PPP1R12B: variants seen among roughly 807,000 people sequenced by gnomAD.
PPP1R12B encodes the protein protein phosphatase 1 regulatory subunit 12B.
A neutral mutation model predicts 126.1 loss-of-function variants in PPP1R12B; 76 were observed. The ratio of observed to expected loss-of-function variants is 0.60; its 90% CI spans 0.50 to 0.73. The LOEUF is 0.73. Ranked by LOEUF, PPP1R12B falls within the 30% of genes least tolerant of loss-of-function variation. The pLI is 0.00. For missense variants in PPP1R12B, 1,052 were observed against 1,205.1 expected (o/e 0.87, Z 1.88); for synonymous variants, 356 against 434.7 (o/e 0.82, Z 2.25).
intron 19 of PPP1R12B, among the ~76,000 whole-genome samples, chr1:202,560,198 G>A (rs1687375178): frequency 6.6e-6 from 1 of 152,070 alleles, no homozygotes; most frequent in Non-Finnish European, 1.5e-5. Flanking sequence ...GTTAGCAGAA[G>A]AGAATATTTT....
intron 1 of PPP1R12B, 151 bp downstream of exon 1, chr1:202,349,293 C>A: frequency 1.1e-6 from 1 of 893,402 alleles, no homozygotes; most frequent in Non-Finnish European, 1.7e-6. Flanking sequence ...TCTTGGCCAG[C>A]TTCCTCCACT....
chr1:202,544,593 CA>C (rs1002001684), intron 18 of PPP1R12B, among the ~76,000 whole-genome samples: 59 of 152,240 alleles, frequency 3.9e-4, no homozygotes, highest in African/African-American at 1.4e-3. Flanking sequence ...TAATTAGGCA[CA>C]TTTTCATTGA....
intron 1 of PPP1R12B, among the ~76,000 whole-genome samples, chr1:202,404,301 T>C (rs1666272018): frequency 6.6e-6 from 1 of 152,074 alleles, no homozygotes; most frequent in Non-Finnish European, 1.5e-5. Flanking sequence ...CTACTTAAAT[T>C]TCTATGCATG....
chr1:202,439,369 T>G (rs879062955), intron 10 of PPP1R12B: 1 of 1,292,760 alleles, frequency 7.7e-7, no homozygotes, highest in African/African-American at 1.5e-5. Context: ...GCAGAACTCT[T>G]GAAGCTGGTG....
At chr1:202,422,588 G>A in intron 2 of PPP1R12B, 32 bp from the exon 3 acceptor site, 1 of 1,599,476 alleles carries the variant, frequency 6.3e-7, no homozygotes, top group Non-Finnish European at 8.6e-7. Context: ...TAGATTGACA[G>A]ATAATATTGA....
intron 1 of PPP1R12B, among the ~76,000 whole-genome samples, chr1:202,409,074 G>A (rs1667041054): frequency 1.3e-5 from 2 of 151,560 alleles, no homozygotes; most frequent in African/African-American, 2.4e-5. Flanking sequence ...CCTGAGCTCA[G>A]GCAGTTCACT....
intron 1 of PPP1R12B, among the ~76,000 whole-genome samples, chr1:202,407,857 A>G (rs1271312044): frequency 2.0e-5 from 3 of 152,142 alleles, no homozygotes; most frequent in Admixed American, 6.5e-5. Context: ...TTCTGCATCC[A>G]TGGAGTCAAC....
In PPP1R12B at chr1:202,560,001, A is replaced by G. The variant is rs184899823; in HGVS notation, c.2507+1108A>G. On this transcript the variant is annotated intron_variant, in intron 19 of 23. Coordinates refer to ENST00000608999, the MANE Select transcript of PPP1R12B (RefSeq NM_002481.4). ...CAAAGAGACCTATGGAACACAATCC[A>G]TAGCCCCCCAAAAATCACATGTATA... Among the ~76,000 whole-genome samples the G allele has an allele frequency of 2.2e-4, 34 of 152,344 alleles. 1 individual carries two copies. In the East Asian group the frequency reaches 6.2e-3, roughly 28 times the overall value.
At chr1:202,428,305 G>A (rs562927213) in intron 5 of PPP1R12B, among the ~76,000 whole-genome samples, 41 of 152,282 alleles carry the variant, frequency 2.7e-4, no homozygotes, top group African/African-American at 9.6e-4. Context: ...CAGAGATATG[G>A]CCTTTTAATT....
chr1:202,409,395 C>T (rs1486669052), intron 1 of PPP1R12B, among the ~76,000 whole-genome samples: 5 of 151,122 alleles, frequency 3.3e-5, no homozygotes, highest in Non-Finnish European at 7.4e-5. Context: ...GATCTCGGCT[C>T]ACTGCAACCT....
At chr1:202,395,558 C>T (rs957165281) in intron 1 of PPP1R12B, among the ~76,000 whole-genome samples, 5 of 152,150 alleles carry the variant, frequency 3.3e-5, no homozygotes, top group Admixed American at 1.3e-4. Context: ...CACCCATTTC[C>T]ACAGTTATAC....
In PPP1R12B at chr1:202,430,912, A is replaced by G. The variant is rs1670110388; in HGVS notation, c.1001+102A>G. The G allele has an allele frequency of 2.7e-6, 4 of 1,462,002 alleles. No individual in the cohort carries two copies. In the East Asian group the frequency reaches 7.4e-5, roughly 27 times the overall value. 90.6% of individuals were successfully genotyped at this position (1,462,002 alleles called of 1,614,324 possible). A position where few individuals can be genotyped will look rare whatever the true frequency, so the allele number is the denominator to read the frequency against. ...GTGAAGAAACTCTGTGTTTGTATTT[A>G]GCCGAGTGATCTATAAACTTGTGGG... On this transcript the variant is annotated intron_variant, in intron 7 of 23. Transcript: ENST00000608999.
chr1:202,456,293 G>A lies in PPP1R12B; in HGVS notation c.1850+7122G>A, dbSNP rs1270221467. Reference sequence around the variant, plus strand: ...CAAAAAAAAAAAAGAAAGAAAGAAAGAAAGAAAGAAATGTGAATGGTTTGA... The same window carrying A: ...CAAAAAAAAAAAAGAAAGAAAGAAAAAAAGAAAGAAATGTGAATGGTTTGA... On this transcript the variant is annotated intron_variant, in intron 13 of 23. Coordinates refer to ENST00000608999, the MANE Select transcript of PPP1R12B (RefSeq NM_002481.4). Among the ~76,000 whole-genome samples, 5 of 151,794 alleles carry A rather than the reference G, an allele frequency of 3.3e-5. No homozygotes were observed. In the East Asian group the frequency reaches 7.7e-4, roughly 24 times the overall value.
At chr1:202,463,043 G>T in intron 13 of PPP1R12B, 1 of 985,410 alleles carries the variant, frequency 1.0e-6, no homozygotes, top group South Asian at 4.7e-5. Flanking sequence ...GCTAACTCCA[G>T]TGTGCTGAGT....
intron 18 of PPP1R12B, among the ~76,000 whole-genome samples, chr1:202,547,109 G>A (rs1369980332): frequency 4.6e-5 from 7 of 152,184 alleles, no homozygotes; most frequent in Non-Finnish European, 7.3e-5. Flanking sequence ...TTTGTTTTCA[G>A]TACCTAACCT....
intron 1 of PPP1R12B, among the ~76,000 whole-genome samples, chr1:202,403,368 A>C (rs1434479212): frequency 6.6e-6 from 1 of 152,254 alleles, no homozygotes; most frequent in East Asian, 1.9e-4. Flanking sequence ...TTACCAACTC[A>C]TTTTCTATTC....
chr1:202,404,500 A>C (rs1245618230), intron 1 of PPP1R12B, among the ~76,000 whole-genome samples: 1 of 151,070 alleles, frequency 6.6e-6, no homozygotes, highest in African/African-American at 2.4e-5. Context: ...TATTTTTTAA[A>C]TTTTTATTAT....
rs1663458086 is a variant in PPP1R12B, at chr1:202,388,089, T to C, written c.292-28698T>C. On this transcript the variant is annotated intron_variant, in intron 1 of 23. Coordinates refer to ENST00000608999, the MANE Select transcript of PPP1R12B (RefSeq NM_002481.4). The stretch of plus-strand genomic sequence containing the variant: ...AATAGGTATACATTTAAGAATGTAA[T>C]GGGAAAGAGGATCCTGTTCATAGAA... Among the ~76,000 whole-genome samples, 4 of 147,354 alleles carry C rather than the reference T, an allele frequency of 2.7e-5. No homozygotes were observed. The South Asian group carries it at 8.5e-4, about 31-fold the overall frequency.
At chr1:202,363,321 T>C (rs1009160992) in intron 1 of PPP1R12B, among the ~76,000 whole-genome samples, 2 of 152,232 alleles carry the variant, frequency 1.3e-5, no homozygotes, top group African/African-American at 4.8e-5. Context: ...TATTCTGGTC[T>C]ATATTGCTTG....
Sources: allele counts gnomAD v4.1 joint callset (sites outside exome capture counted in the v4.1 genomes callset), GRCh38; gene constraint gnomAD v4.1.1; transcripts MANE v1.5; gene names NCBI Gene and HGNC (gene_info 2026-07-23, HGNC 2026-07-21).